The following REDIC1 variants were observed in gnomAD, a reference collection of about 807,000 sequenced individuals.
The protein encoded by REDIC1 is regulator of DNA class I crossover intermediates 1.
chr12:39,773,281 G>A, the REDIC1 span, among the ~76,000 whole-genome samples: 2 of 152,164 alleles, frequency 1.3e-5, no homozygotes, highest in South Asian at 2.1e-4. Flanking sequence ...GCAATCAGGT[G>A]AAATATGTCT....
chr12:39,850,587 G>A, the REDIC1 span, among the ~76,000 whole-genome samples: 1 of 152,088 alleles, frequency 6.6e-6, no homozygotes, highest in Admixed American at 6.6e-5. Flanking sequence ...AATTGTATCT[G>A]TGCCAACATT....
chr12:39,643,945 T>C, the REDIC1 span: 1 of 1,465,588 alleles, frequency 6.8e-7, no homozygotes, highest in Non-Finnish European at 9.3e-7. Flanking sequence ...CATTCTGTTT[T>C]GAACTTGATG....
the REDIC1 span, chr12:39,647,809 A>C: frequency 3.1e-6 from 5 of 1,591,948 alleles, no homozygotes; most frequent in Non-Finnish European, 4.3e-6. Context: ...GCATGGACTC[A>C]TATAGTATGC....
At chr12:39,666,780 C>T in the REDIC1 span, among the ~76,000 whole-genome samples, 1 of 152,078 alleles carries the variant, frequency 6.6e-6, no homozygotes, top group Non-Finnish European at 1.5e-5. Context: ...CAACTTCTTC[C>T]TGGTTTAGTC....
chr12:39,699,469 G>C, the REDIC1 span, among the ~76,000 whole-genome samples: 2 of 152,214 alleles, frequency 1.3e-5, no homozygotes, highest in Non-Finnish European at 2.9e-5. Context: ...GAGTCTCTCT[G>C]ATTGCTAGCA....
the REDIC1 span, chr12:39,683,021 G>T: frequency 6.2e-7 from 1 of 1,613,168 alleles, no homozygotes. Flanking sequence ...AATAAAACAA[G>T]TTATCCAGAA....
At chr12:39,676,404 A>C in the REDIC1 span, among the ~76,000 whole-genome samples, 1 of 152,282 alleles carries the variant, frequency 6.6e-6, no homozygotes, top group East Asian at 1.9e-4. Flanking sequence ...AAGACAAAGA[A>C]AAACTAATTA....
chr12:39,674,290 C>T, the REDIC1 span, among the ~76,000 whole-genome samples: 1 of 152,146 alleles, frequency 6.6e-6, no homozygotes, highest in East Asian at 1.9e-4. Context: ...AATAACTACT[C>T]TACATTTCTG....
the REDIC1 span, among the ~76,000 whole-genome samples, chr12:39,665,969 G>T: frequency 6.6e-6 from 1 of 152,156 alleles, no homozygotes; most frequent in Non-Finnish European, 1.5e-5. Flanking sequence ...AGGAGATTTT[G>T]AGCTGAGACG....
the REDIC1 span, among the ~76,000 whole-genome samples, chr12:39,838,910 T>C: frequency 6.6e-6 from 1 of 152,056 alleles, no homozygotes; most frequent in Non-Finnish European, 1.5e-5. Context: ...TGTTTGATCT[T>C]AAAATGCCTG....
At chr12:39,669,138 A>G in the REDIC1 span, among the ~76,000 whole-genome samples, 1 of 152,058 alleles carries the variant, frequency 6.6e-6, no homozygotes. Context: ...TCTGATTTTT[A>G]GAGTTTCCAG....
At chr12:39,897,420 AG>A in the REDIC1 span, among the ~76,000 whole-genome samples, 1 of 152,210 alleles carries the variant, frequency 6.6e-6, no homozygotes, top group Non-Finnish European at 1.5e-5. Context: ...TGCAGAAAAA[AG>A]ATGCAGCTAT....
chr12:39,862,631 A>T, the REDIC1 span, among the ~76,000 whole-genome samples: 4 of 152,232 alleles, frequency 2.6e-5, no homozygotes, highest in African/African-American at 9.6e-5. Context: ...TACAAAGTGA[A>T]CTTCACTCAT....
At chr12:39,904,010 T>C in the REDIC1 span, among the ~76,000 whole-genome samples, 34 of 152,054 alleles carry the variant, frequency 2.2e-4, no homozygotes, top group Non-Finnish European at 4.3e-4. Context: ...CTAGATTCTG[T>C]CTGTGTCGGA....
chr12:39,875,756 T>C, the REDIC1 span, among the ~76,000 whole-genome samples: 4 of 152,322 alleles, frequency 2.6e-5, no homozygotes, highest in South Asian at 2.1e-4. Flanking sequence ...AAAAGTCAGG[T>C]CATGGTCTTA....
chr12:39,696,522 G>A, the REDIC1 span, among the ~76,000 whole-genome samples: 31 of 96,034 alleles, frequency 3.2e-4, no homozygotes, highest in East Asian at 3.5e-4. Context: ...CAGCCTGGGC[G>A]ACAGAGCGAG....
the REDIC1 span, among the ~76,000 whole-genome samples, chr12:39,678,197 A>C: frequency 6.6e-6 from 1 of 152,204 alleles, no homozygotes; most frequent in Admixed American, 6.5e-5. Context: ...ACCATTAGCA[A>C]GATTAACAAA....
the REDIC1 span, among the ~76,000 whole-genome samples, chr12:39,763,447 A>G: frequency 2.0e-5 from 3 of 152,084 alleles, no homozygotes; most frequent in African/African-American, 7.2e-5. Flanking sequence ...CATTTGACAA[A>G]CACTTTTTGG....
chr12:39,897,293 A>C, the REDIC1 span, among the ~76,000 whole-genome samples: 11 of 152,188 alleles, frequency 7.2e-5, no homozygotes, highest in Non-Finnish European at 1.2e-4. Flanking sequence ...ATGCTGTTGC[A>C]AGCCTGCACA....
Sources: gnomAD v4.1 joint callset for allele counts (sites outside exome capture counted in the v4.1 genomes callset) on GRCh38, gnomAD v4.1.1 for gene constraint, MANE v1.5 for transcripts, NCBI Gene and HGNC (gene_info 2026-07-23, HGNC 2026-07-21) for gene names.